CSMD3: variants seen among roughly 807,000 people sequenced by gnomAD.
CSMD3 encodes the protein CUB and Sushi multiple domains 3, also known as CUB and sushi domain-containing protein 3.
In CSMD3, 177 loss-of-function variants were observed where a neutral mutation model predicts 435.2. The ratio of observed to expected loss-of-function variants is 0.41; its 90% CI spans 0.36 to 0.46. The LOEUF (loss-of-function observed/expected upper bound fraction) is 0.46, where lower values mean the gene tolerates loss of function less well. Ranked by LOEUF, CSMD3 falls within the 20% of genes least tolerant of loss-of-function variation. CSMD3 has a pLI of 0.34. For synonymous variants in CSMD3, 1,656 were observed against 1,520.5 expected (o/e 1.09, Z -2.07); for missense variants, 4,265 against 4,504.6 (o/e 0.95, Z 1.52).
intron 24 of CSMD3, among the ~76,000 whole-genome samples, chr8:112,569,983 TTCTC>T (rs973845924): frequency 2.0e-5 from 3 of 152,122 alleles, no homozygotes; most frequent in African/African-American, 7.2e-5. Flanking sequence ...ATACCTATGA[TTCTC>T]TCTGTTAGAT....
chr8:112,951,541 T>G (rs893199589), intron 8 of CSMD3, among the ~76,000 whole-genome samples: 2 of 151,834 alleles, frequency 1.3e-5, no homozygotes, highest in African/African-American at 4.8e-5. Flanking sequence ...TTTGGATCTT[T>G]TTCTGAACTC....
intron 13 of CSMD3, among the ~76,000 whole-genome samples, chr8:112,794,169 A>T (rs1385453011): frequency 6.6e-6 from 1 of 152,088 alleles, no homozygotes; most frequent in Non-Finnish European, 1.5e-5. Flanking sequence ...TTAATATTAA[A>T]AAAAAGTTAT....
intron 3 of CSMD3, among the ~76,000 whole-genome samples, chr8:113,271,969 G>A (rs994531260): frequency 5.3e-5 from 8 of 152,002 alleles, no homozygotes; most frequent in African/African-American, 1.4e-4. Context: ...GATCATTTTC[G>A]AACTTTCAAA....
At position 113,036,179 on chromosome 8, in the gene CSMD3, A is replaced by T. The variant is rs565348003; in HGVS notation, c.918-17000T>A. ...TATCTATGTTGGATCTAGTCTTCAC[A>T]TTTTCTCATTCACAATTTTGAGGGT... On this transcript the variant is annotated intron_variant, in intron 5 of 70. Transcript: ENST00000297405. Among the ~76,000 whole-genome samples the T allele has an allele frequency of 2.4e-3, 359 of 152,052 alleles. 1 individual carries two copies. Among genetic ancestry groups the T allele is most frequent in the Non-Finnish European group, 4.1e-3 (281 of 67,828 alleles).
intron 38 of CSMD3, among the ~76,000 whole-genome samples, chr8:112,362,703 G>A (rs532071111): frequency 2.7e-4 from 41 of 151,976 alleles, no homozygotes; most frequent in African/African-American, 8.2e-4. Flanking sequence ...TGATTAGAGC[G>A]CGGTGGAACA....
chr8:112,987,613 T>C (rs2085301480), intron 6 of CSMD3, among the ~76,000 whole-genome samples: 1 of 152,122 alleles, frequency 6.6e-6, no homozygotes, highest in Non-Finnish European at 1.5e-5. Flanking sequence ...TGGACCAAAA[T>C]TGCACAGTCT....
intron 9 of CSMD3, among the ~76,000 whole-genome samples, chr8:112,927,604 C>A (rs1419375604): frequency 6.6e-6 from 1 of 152,040 alleles, no homozygotes; most frequent in Non-Finnish European, 1.5e-5. Context: ...AATTACTTTA[C>A]TTTCAAAATA....
intron 12 of CSMD3, among the ~76,000 whole-genome samples, chr8:112,804,867 G>A (rs1288987188): frequency 4.6e-5 from 7 of 151,966 alleles, no homozygotes; most frequent in Non-Finnish European, 1.0e-4. Flanking sequence ...GTTTCACCAC[G>A]TTGACCAGGA....
At chr8:112,351,548 T>C (rs1415931531) in intron 39 of CSMD3, among the ~76,000 whole-genome samples, 1 of 152,008 alleles carries the variant, frequency 6.6e-6, no homozygotes. Context: ...AGTGATTATA[T>C]AAGTGAAAGG....
In CSMD3 at chr8:113,019,179, C is replaced by A. The variant is rs768688621; in HGVS notation, c.918G>T (p.Trp306Cys). 6.3e-7 allele frequency: 1 copy of A among 1,598,576 alleles called. No homozygotes were observed. The highest frequency in any genetic ancestry group is 2.2e-5 in the East Asian group (1 of 44,762). The change falls in exon 6 of 71, where the codon TGG (tryptophan) becomes TGT (cysteine). Residue 306 changes from tryptophan (W) to cysteine (C), a missense_variant and splice_region_variant. Trp to Cys is a radical substitution (Grantham distance 215). This residue lies in a region of CSMD3 where 731 missense variants were observed against 755.4 expected (regional missense o/e 0.97). Transcript: ENST00000297405. ...EIEGSEPPTI[W>C]LSGMNIPPPI... Reference sequence around the variant, plus strand: ...GTGGTGGTATATTCATTCCAGATAACCTGAATTACAAAAGACAACAACAAA... The same window carrying A: ...GTGGTGGTATATTCATTCCAGATAAACTGAATTACAAAAGACAACAACAAA...
At position 112,965,447 on chromosome 8, in the gene CSMD3, G is replaced by T. The variant is rs1431453901; in HGVS notation, c.1342+10390C>A. 2.0e-5 allele frequency among the ~76,000 whole-genome samples: 3 copies of T among 151,636 alleles called. No homozygotes were observed. The East Asian group carries it at 5.8e-4, about 29-fold the overall frequency. ...CAAGATATCTGATTAACGGTTACAG[G>T]TGAAAAAAACAAAGTGGCTGAAAAT... On this transcript the variant is annotated intron_variant, in intron 7 of 70. Transcript: ENST00000297405.
rs1263117214 is a variant in CSMD3 at position 112,314,463 on chromosome 8, T to C, written c.7515A>G (p.Thr2505=). ...NITMFVEFFQ[T]EKEFDVLQVY... is the part of the protein sequence containing the mutation. ...CCTGAAGAACATCAAATTCCTTTTC[T>C]GTCTGGAAGAATTCTACAAACATGG... Residue 2505 remains threonine, a synonymous_variant, in exon 48 of 71, where the codon ACA becomes ACG. Coordinates refer to ENST00000297405, the MANE Select transcript of CSMD3 (RefSeq NM_198123.2). The C allele has an allele frequency of 6.2e-7, 1 of 1,612,234 alleles. No homozygotes were observed. The highest frequency in any genetic ancestry group is 1.7e-5 in the Admixed American group (1 of 60,002).
chr8:112,896,568 G>A (rs1173802318), intron 10 of CSMD3, among the ~76,000 whole-genome samples: 1 of 52,476 alleles, frequency 1.9e-5, no homozygotes, highest in Non-Finnish European at 3.0e-5. Context: ...AAATCTTATA[G>A]ATTCTTTTCC....
At chr8:112,588,217 T>A (rs561263318) in intron 22 of CSMD3, among the ~76,000 whole-genome samples, 1 of 151,858 alleles carries the variant, frequency 6.6e-6, no homozygotes, top group South Asian at 2.1e-4. Flanking sequence ...AATAAGATTT[T>A]AAAAATAATG....
At chr8:113,326,627 CTTA>C (rs1415551675) in intron 1 of CSMD3, among the ~76,000 whole-genome samples, 2 of 152,058 alleles carry the variant, frequency 1.3e-5, no homozygotes, top group African/African-American at 4.8e-5. Context: ...ATCTATAAAA[CTTA>C]TTAGTGTATG....
Position 112,375,478 on chromosome 8 carries a change from C to T in CSMD3, c.6136+4874G>A, listed in dbSNP as rs887961612. 1.8e-4 allele frequency among the ~76,000 whole-genome samples: 27 copies of T among 152,052 alleles called. 1 individual carries two copies. Among genetic ancestry groups the T allele is most frequent in the Admixed American group, 1.0e-3 (16 of 15,246 alleles). ...AATGTGACTAGTTATTGATTTCCCT[C>T]AGGAAGAGCAGTCAAACTTGCAATT... is the stretch of plus-strand genomic sequence containing the variant. On this transcript the variant is annotated intron_variant, in intron 38 of 70. Transcript: ENST00000297405.
At chr8:112,961,682 T>G (rs1404500108) in intron 7 of CSMD3, among the ~76,000 whole-genome samples, 1 of 151,960 alleles carries the variant, frequency 6.6e-6, no homozygotes, top group African/African-American at 2.4e-5. Context: ...AAGGATTGGA[T>G]AAAGTTATTG....
intron 13 of CSMD3, among the ~76,000 whole-genome samples, chr8:112,705,751 T>C (rs2076486512): frequency 6.6e-6 from 1 of 152,076 alleles, no homozygotes. Context: ...TTTTTCAAGA[T>C]AAAAAATGGA....
chr8:113,035,611 G>A (rs1213166964), intron 5 of CSMD3, among the ~76,000 whole-genome samples: 1 of 151,878 alleles, frequency 6.6e-6, no homozygotes. Context: ...AATGTTTTAT[G>A]CATAAGAATG....
Sources: gnomAD v4.1 joint callset for allele counts (sites outside exome capture counted in the v4.1 genomes callset) on GRCh38, gnomAD v4.1.1 for gene constraint, gnomAD v4.1.1 regional missense constraint, MANE v1.5 for transcripts, NCBI Gene and HGNC (gene_info 2026-07-23, HGNC 2026-07-21) for gene names.